ERLEC1: variants seen among roughly 807,000 people sequenced by gnomAD.
ERLEC1 encodes endoplasmic reticulum lectin 1.
In ERLEC1, 47 loss-of-function variants were observed where a neutral mutation model predicts 68.0. The ratio of observed to expected loss-of-function variants is 0.69; its 90% CI spans 0.55 to 0.88. ERLEC1 has a LOEUF of 0.88. ERLEC1 is among the 40% of genes least tolerant of loss of function. The probability of loss-of-function intolerance (pLI) is 0.00; values close to 1 mark genes in which losing one functional copy is unlikely to be tolerated. For missense variants in ERLEC1, 567 were observed against 583.8 expected, an observed-to-expected ratio of 0.97 and a Z score of 0.30; for synonymous variants, 225 against 203.2, an observed-to-expected ratio of 1.11 and a Z score of -0.91.
Position 53,787,238 on chromosome 2 carries a change from A to C in ERLEC1, c.28A>C (p.Ser10Arg). 1 of 1,605,468 alleles carries C rather than the reference A, an allele frequency of 6.2e-7. No homozygotes were observed. The highest frequency in any genetic ancestry group is 8.5e-7 in the Non-Finnish European group (1 of 1,179,222). MEEGGGGVR[S>R]LVPGGPVLLV... Reference sequence around the variant, plus strand: ...GGAGGAAGGAGGCGGCGGCGTACGGAGTCTGGTCCCGGGCGGGCCGGTGTT... The same window carrying C: ...GGAGGAAGGAGGCGGCGGCGTACGGCGTCTGGTCCCGGGCGGGCCGGTGTT... The change falls in exon 1 of 14, where the codon AGT becomes CGT. Residue 10 changes from serine (S) to arginine (R), a missense_variant. By Grantham distance (110) the Ser-to-Arg change is moderately radical (BLOSUM62 -1). Coordinates refer to ENST00000185150, the MANE Select transcript of ERLEC1 (RefSeq NM_015701.5).
intron 10 of ERLEC1, among the ~76,000 whole-genome samples, chr2:53,810,184 C>T (rs1166993383): frequency 2.6e-5 from 4 of 151,776 alleles, no homozygotes; most frequent in Non-Finnish European, 5.9e-5. Context: ...AATAAGACAC[C>T]CTGGGCCAGG....
At chr2:53,790,015 CA>C (rs751868369) in intron 1 of ERLEC1, among the ~76,000 whole-genome samples, 166 of 85,938 alleles carry the variant, frequency 1.9e-3, no homozygotes, top group Admixed American at 2.2e-3. Flanking sequence ...GAGTCTGTCT[CA>C]AAAAAAAAAA....
chr2:53,809,039 A>C (rs551830811), intron 9 of ERLEC1, among the ~76,000 whole-genome samples, 175 bp from the exon 10 acceptor site: 3 of 152,332 alleles, frequency 2.0e-5, no homozygotes, highest in Non-Finnish European at 2.9e-5. Context: ...TTACCAAGAC[A>C]GTGCATATTC....
At chr2:53,788,217 A>G (rs917777080) in intron 1 of ERLEC1, among the ~76,000 whole-genome samples, 3 of 152,328 alleles carry the variant, frequency 2.0e-5, no homozygotes, top group Admixed American at 2.0e-4. Context: ...TTTTATTCCA[A>G]TTACCTTCAA....
chr2:53,787,137 ACCTCCTCCTCCT>A lies in ERLEC1; in HGVS notation c.-66_-55del. On this transcript the variant is annotated 5_prime_UTR_variant, in exon 1 of 14. Coordinates refer to ENST00000185150, the MANE Select transcript of ERLEC1 (RefSeq NM_015701.5). Reference sequence around the variant, plus strand: ...TTATAGTCCCGCCGCCTCCTCCTCCACCTCCTCCTCCTCCTCCTCTCCTCCTGGAGCAGAGGA... The same window carrying A: ...TTATAGTCCCGCCGCCTCCTCCTCCACCTCCTCTCCTCCTGGAGCAGAGGA... The A allele has an allele frequency of 2.0e-6, 2 of 1,021,940 alleles. No individual in the cohort carries two copies. Among genetic ancestry groups the A allele is most frequent in the East Asian group, 4.2e-5 (1 of 24,090 alleles). The allele number at this position is 1,021,940 out of a possible 1,614,324, so 63.3% of individuals were successfully genotyped here. A position where few individuals can be genotyped will look rare whatever the true frequency, so the allele number is the denominator to read the frequency against.
At chr2:53,815,570 C>G (rs909442557) in intron 13 of ERLEC1, among the ~76,000 whole-genome samples, 6 of 152,232 alleles carry the variant, frequency 3.9e-5, no homozygotes, top group African/African-American at 1.4e-4. Context: ...CCAGTAAATA[C>G]CCCTTAGCCT....
intron 10 of ERLEC1, among the ~76,000 whole-genome samples, chr2:53,810,677 G>C (rs1256835512): frequency 6.6e-6 from 1 of 152,058 alleles, no homozygotes; most frequent in Non-Finnish European, 1.5e-5. Flanking sequence ...GATCATACTG[G>C]GACAGACTGT....
At chr2:53,808,776 A>G (rs1311707598) in intron 9 of ERLEC1, among the ~76,000 whole-genome samples, 1 of 152,208 alleles carries the variant, frequency 6.6e-6, no homozygotes, top group Non-Finnish European at 1.5e-5. Flanking sequence ...ATCACATTTC[A>G]AACTGGAATT....
intron 6 of ERLEC1, among the ~76,000 whole-genome samples, chr2:53,800,258 G>C (rs375691308): frequency 6.6e-6 from 1 of 152,010 alleles, no homozygotes; most frequent in Non-Finnish European, 1.5e-5. Flanking sequence ...AGTCATTTCT[G>C]CTACCGCAAT....
intron 2 of ERLEC1, among the ~76,000 whole-genome samples, chr2:53,794,855 A>C (rs1032227151): frequency 6.6e-6 from 1 of 151,908 alleles, no homozygotes; most frequent in Non-Finnish European, 1.5e-5. Flanking sequence ...GGGTTTTACC[A>C]TGTTGGCCAG....
At chr2:53,797,403 A>G (rs1477263094) in intron 3 of ERLEC1, 112 bp from the exon 4 acceptor site, 3 of 712,596 alleles carry the variant, frequency 4.2e-6, no homozygotes, top group African/African-American at 3.6e-5. Context: ...GTGTCATTTA[A>G]TGAAAGCTTA....
chr2:53,794,702 T>C lies in ERLEC1; in HGVS notation c.267+253T>C, dbSNP rs545577545. Among the ~76,000 whole-genome samples the C allele has an allele frequency of 1.1e-3, 169 of 152,346 alleles. 1 individual carries two copies. The highest frequency in any genetic ancestry group is 4.1e-3 in the African/African-American group (169 of 41,580). On this transcript the variant is annotated intron_variant, in intron 2 of 13. Coordinates refer to ENST00000185150, the MANE Select transcript of ERLEC1 (RefSeq NM_015701.5). Reference sequence around the variant, plus strand: ...ACGAAGTCTCACTCTATCGCCAGGCTGGAGGGCAGTGGCACGATCTTGGCT... The same window carrying C: ...ACGAAGTCTCACTCTATCGCCAGGCCGGAGGGCAGTGGCACGATCTTGGCT...
chr2:53,801,600 G>A lies in ERLEC1; in HGVS notation c.729G>A (p.Leu243=). Residue 243 remains leucine (L), a synonymous_variant, in exon 7 of 14, where the codon TTG becomes TTA. Transcript: ENST00000185150. ...AAGTTGTCATTTTGACACCACTCTT[G>A]TGCAGTCATCCTAAATATAGGTAGG... is the stretch of plus-strand genomic sequence containing the variant. ...EYEVVILTPL[L]CSHPKYRFRA... is the part of the protein sequence containing the mutation. 6.2e-7 allele frequency: 1 copy of A among 1,613,982 alleles called. No homozygotes were observed. The highest frequency in any genetic ancestry group is 8.5e-7 in the Non-Finnish European group (1 of 1,179,914).
At chr2:53,814,213 T>C (rs1055040723) in intron 11 of ERLEC1, among the ~76,000 whole-genome samples, 2 of 152,176 alleles carry the variant, frequency 1.3e-5, no homozygotes, top group Non-Finnish European at 2.9e-5. Context: ...TACAAAACAA[T>C]ATAGTGGGCT....
chr2:53,812,853 G>C, intron 10 of ERLEC1, 96 bp from the exon 11 acceptor site: 1 of 1,322,638 alleles, frequency 7.6e-7, no homozygotes, highest in Non-Finnish European at 1.0e-6. Flanking sequence ...CCACTGTGCA[G>C]ATAAAGACTA....
intron 3 of ERLEC1, among the ~76,000 whole-genome samples, chr2:53,796,661 A>G (rs1558594278): frequency 6.6e-6 from 1 of 151,858 alleles, no homozygotes; most frequent in African/African-American, 2.4e-5. Flanking sequence ...TGTTGCCCAG[A>G]CTAGTCTCAG....
At position 53,787,104 on chromosome 2, in the gene ERLEC1, C is replaced by T. The variant is rs945861672; in HGVS notation, c.-107C>T. On this transcript the variant is annotated 5_prime_UTR_variant, in exon 1 of 14. Coordinates refer to ENST00000185150, the MANE Select transcript of ERLEC1 (RefSeq NM_015701.5). Reference sequence around the variant, plus strand: ...TGGCGGCGGTTGGGCCGGTGATACCCGGGCGCTTTATAGTCCCGCCGCCTC... The same window carrying T: ...TGGCGGCGGTTGGGCCGGTGATACCTGGGCGCTTTATAGTCCCGCCGCCTC... 4.4e-6 allele frequency: 6 copies of T among 1,369,832 alleles called. No individual in the cohort carries two copies. The African/African-American group carries it at 7.4e-5, about 17-fold the overall frequency. The allele number at this position is 1,369,832 out of a possible 1,614,324, so 84.9% of individuals were successfully genotyped here. A position where few individuals can be genotyped will look rare whatever the true frequency, so the allele number is the denominator to read the frequency against.
chr2:53,806,105 AAC>A (rs1162416629), intron 8 of ERLEC1, among the ~76,000 whole-genome samples: 2 of 152,158 alleles, frequency 1.3e-5, no homozygotes, highest in African/African-American at 4.8e-5. Context: ...CATACAGATA[AAC>A]ACTTTTTTTC....
At chr2:53,813,160 T>A in intron 11 of ERLEC1, 87 bp downstream of exon 11, 2 of 1,492,840 alleles carry the variant, frequency 1.3e-6, no homozygotes, top group Non-Finnish European at 1.8e-6. Flanking sequence ...TTCAAACATT[T>A]AAGTAAAATC....
Sources: allele counts gnomAD v4.1 joint callset (sites outside exome capture counted in the v4.1 genomes callset), GRCh38; gene constraint gnomAD v4.1.1; transcripts MANE v1.5; gene names NCBI Gene and HGNC (gene_info 2026-07-23, HGNC 2026-07-21).